ARID2: variants seen among roughly 807,000 people sequenced by gnomAD.
ARID2 encodes AT-rich interactive domain-containing protein 2.
A neutral mutation model predicts 184.6 loss-of-function variants in ARID2; 32 were observed. The observed-to-expected ratio is 0.17, with a 90% CI of 0.13 to 0.23. The LOEUF (loss-of-function observed/expected upper bound fraction) is 0.23. Among genes scored for constraint, ARID2 ranks in the 10% least tolerant of loss-of-function variants. ARID2 has a pLI of 1.00. For missense variants in ARID2, 1,696 were observed against 2,197.6 expected (o/e 0.77, Z 4.56); for synonymous variants, 836 against 772.6 (o/e 1.08, Z -1.36).
Position 45,852,126 on chromosome 12 carries a change from G to A in ARID2, c.4003G>A (p.Ala1335Thr), listed in dbSNP as rs1444963328. 6.2e-7 allele frequency: 1 copy of A among 1,614,050 alleles called. No individual in the cohort carries two copies. The highest frequency in any genetic ancestry group is 8.5e-7 in the Non-Finnish European group (1 of 1,180,020). Residue 1335 changes from alanine to threonine, a missense_variant, in exon 15 of 21, where the codon GCA (alanine) becomes ACA (threonine). This residue lies in a region of ARID2 where 428 missense variants were observed against 409.1 expected (regional missense o/e 1.05). Coordinates refer to ENST00000334344, the MANE Select transcript of ARID2 (RefSeq NM_152641.4). ...GPSLELGENG[A>T]SGKQNSEQID... The stretch of plus-strand genomic sequence containing the variant: ...ATCATTGGAATTAGGTGAGAATGGA[G>A]CATCTGGGAAACAGAACTCAGAACA...
chr12:45,753,524 T>C (rs1241653101), intron 3 of ARID2, among the ~76,000 whole-genome samples: 3 of 152,216 alleles, frequency 2.0e-5, no homozygotes, highest in Non-Finnish European at 2.9e-5. Context: ...ATGTAGTGTC[T>C]GGTATATAGT....
intron 16 of ARID2, among the ~76,000 whole-genome samples, chr12:45,861,580 CTTTTTTTTTTT>C (rs11303020): frequency 2.1e-5 from 2 of 97,006 alleles, no homozygotes; most frequent in East Asian, 2.8e-4. Flanking sequence ...AGGCATTTGT[CTTTTTTTTTTT>C]TTTTTTTTTT....
At chr12:45,789,470 TG>T (rs1471483059) in intron 3 of ARID2, 1 of 152,218 alleles carries the variant, frequency 6.6e-6, no homozygotes, top group Non-Finnish European at 1.5e-5. Context: ...ACTTTCATTA[TG>T]GTCTAGTTTT....
intron 11 of ARID2, chr12:45,839,998 C>G (rs971042650): frequency 6.5e-6 from 1 of 152,906 alleles, no homozygotes; most frequent in African/African-American, 2.4e-5. Flanking sequence ...TGTATACCTG[C>G]ATTTATGCAC....
intron 3 of ARID2, among the ~76,000 whole-genome samples, chr12:45,795,310 C>T (rs763651736): frequency 2.2e-4 from 33 of 152,284 alleles, no homozygotes; most frequent in Middle Eastern, 3.4e-3. Context: ...GAGGTTGCTA[C>T]TTTCTGGCTG....
intron 3 of ARID2, among the ~76,000 whole-genome samples, chr12:45,792,272 A>G (rs980208836): frequency 2.2e-4 from 33 of 152,142 alleles, no homozygotes; most frequent in Non-Finnish European, 3.5e-4. Flanking sequence ...ATGTTTTCCT[A>G]CTTTCTACAG....
chr12:45,856,886 G>A (rs969887883), intron 15 of ARID2, among the ~76,000 whole-genome samples: 11 of 152,232 alleles, frequency 7.2e-5, no homozygotes, highest in Middle Eastern at 3.4e-3. Context: ...TATTTCAAAT[G>A]TAATACTTGC....
chr12:45,899,713 A>ATATATATATGGTTATATATATATGGTTT (rs1565644972), intron 20 of ARID2, among the ~76,000 whole-genome samples: 8 of 139,762 alleles, frequency 5.7e-5, no homozygotes, highest in Non-Finnish European at 1.1e-4. Context: ...ATATATGGTT[A>ATATATATATGGTTATATATATATGGTTT]TATATATATG....
intron 16 of ARID2, among the ~76,000 whole-genome samples, chr12:45,871,753 T>C (rs958496936): frequency 3.3e-5 from 5 of 152,194 alleles, no homozygotes; most frequent in African/African-American, 9.6e-5. Context: ...GTACTTTCTG[T>C]TTTGAAGGTT....
At chr12:45,833,683 G>A (rs1943163127) in intron 6 of ARID2, among the ~76,000 whole-genome samples, 1 of 152,106 alleles carries the variant, frequency 6.6e-6, no homozygotes, top group South Asian at 2.1e-4. Context: ...CTTTACTCTA[G>A]GGCTTGTTTA....
intron 3 of ARID2, among the ~76,000 whole-genome samples, chr12:45,810,631 A>T (rs973040086): frequency 2.0e-5 from 3 of 152,192 alleles, no homozygotes; most frequent in African/African-American, 7.2e-5. Flanking sequence ...ATGTATTGGT[A>T]TATTTAGACC....
chr12:45,899,927 C>T (rs1012827546), intron 20 of ARID2, among the ~76,000 whole-genome samples: 1 of 151,482 alleles, frequency 6.6e-6, no homozygotes, highest in African/African-American at 2.4e-5. Flanking sequence ...TTGGATAAAC[C>T]TCTCTTCTTC....
Position 45,851,476 on chromosome 12 carries a change from A to G in ARID2, c.3353A>G (p.Gln1118Arg). The G allele has an allele frequency of 6.2e-7, 1 of 1,614,140 alleles. No individual in the cohort carries two copies. The highest frequency in any genetic ancestry group is 8.5e-7 in the Non-Finnish European group (1 of 1,179,994). The change falls in exon 15 of 21, where the codon CAG (glutamine) becomes CGG (arginine). Residue 1118 changes from glutamine (Q) to arginine (R), a missense_variant. Gln to Arg is a conservative substitution (Grantham distance 43, BLOSUM62 1). This residue lies in a region of ARID2 where 713 missense variants were observed against 824.4 expected (regional missense o/e 0.86). Transcript: ENST00000334344. ...GFGVQGQTPA[Q>R]QLLVGQQNVQ... is the part of the protein sequence containing the mutation. ...GGAGTGCAGGGGCAAACTCCAGCTC[A>G]GCAGCTATTGGTTGGGCAGCAAAAT...
At chr12:45,794,059 C>T (rs1467726174) in intron 3 of ARID2, among the ~76,000 whole-genome samples, 1 of 151,978 alleles carries the variant, frequency 6.6e-6, no homozygotes, top group Admixed American at 6.6e-5. Context: ...TATGGAAGTC[C>T]CCCTTCGAGG....
At chr12:45,899,352 C>G (rs1045543665) in intron 20 of ARID2, among the ~76,000 whole-genome samples, 19 of 149,154 alleles carry the variant, frequency 1.3e-4, no homozygotes, top group Non-Finnish European at 2.2e-4. Context: ...CACCTGTAAT[C>G]CCAGCACTTT....
At chr12:45,749,095 T>C (rs1305303457) in intron 3 of ARID2, among the ~76,000 whole-genome samples, 1 of 152,232 alleles carries the variant, frequency 6.6e-6, no homozygotes. Context: ...ACTACTTTGC[T>C]CACTTCCATC....
At position 45,852,511 on chromosome 12, in the gene ARID2, A is replaced by G. The variant is rs372134695; in HGVS notation, c.4388A>G (p.Gln1463Arg). 6.2e-7 allele frequency: 1 copy of G among 1,614,174 alleles called. No individual in the cohort carries two copies. Among genetic ancestry groups the G allele is most frequent in the Non-Finnish European group, 8.5e-7 (1 of 1,180,002 alleles). Residue 1463 changes from glutamine (Q) to arginine (R), a missense_variant, in exon 15 of 21, where the codon CAA becomes CGA. Physicochemically the swap from Gln to Arg is conservative, Grantham distance 43. Coordinates refer to ENST00000334344, the MANE Select transcript of ARID2 (RefSeq NM_152641.4). ...ASSLNSDVPQ[Q>R]RPSVVVSPHS... ...AGTTTGAATTCAGATGTGCCTCAGCAACGCCCAAGTGTAGTTGTCTCACCA... is the reference window on the plus strand; with the variant it reads ...AGTTTGAATTCAGATGTGCCTCAGCGACGCCCAAGTGTAGTTGTCTCACCA...
chr12:45,831,317 G>A (rs373886272), intron 6 of ARID2, among the ~76,000 whole-genome samples: 1 of 152,002 alleles, frequency 6.6e-6, no homozygotes, highest in Non-Finnish European at 1.5e-5. Context: ...TATGTCATGC[G>A]TTCATTACAA....
At chr12:45,731,870 C>G in intron 3 of ARID2, among the ~76,000 whole-genome samples, 1 of 151,728 alleles carries the variant, frequency 6.6e-6, no homozygotes, top group East Asian at 1.9e-4. Context: ...GTTGAATTTC[C>G]AGTGACTTAA....
Sources: allele counts gnomAD v4.1 joint callset (sites outside exome capture counted in the v4.1 genomes callset), GRCh38; gene constraint gnomAD v4.1.1; regional missense constraint gnomAD v4.1.1; transcripts MANE v1.5; gene names NCBI Gene and HGNC (gene_info 2026-07-23, HGNC 2026-07-21).